AGBL1: variants seen among roughly 807,000 people sequenced by gnomAD.
The protein encoded by AGBL1 is cytosolic carboxypeptidase 4.
Under a neutral mutation model 118.9 loss-of-function variants are expected in AGBL1, and 130 were observed. That is an observed-to-expected ratio of 1.09 (90% CI 0.95 to 1.26). The LOEUF (loss-of-function observed/expected upper bound fraction) is 1.26. Among genes scored for constraint, AGBL1 ranks in the 50% most tolerant of loss-of-function variants. The pLI is 0.00. For synonymous variants in AGBL1, 555 were observed against 478.9 expected (o/e 1.16, Z -2.08); for missense variants, 1,584 against 1,298.1 (o/e 1.22, Z -3.38).
chr15:86,858,681 CAGGG>C (rs1339868532), intron 22 of AGBL1, among the ~76,000 whole-genome samples: 6 of 152,266 alleles, frequency 3.9e-5, no homozygotes, highest in Non-Finnish European at 7.4e-5. Context: ...GTTGGGGTAA[CAGGG>C]ACAGGCTCAA....
intron 1 of AGBL1, among the ~76,000 whole-genome samples, chr15:86,093,902 T>G (rs1202744807): frequency 1.3e-5 from 2 of 152,108 alleles, no homozygotes; most frequent in African/African-American, 4.8e-5. Flanking sequence ...TCTATGACAA[T>G]AGCAACAGCA....
chr15:86,953,411 T>C (rs2080898817), intron 23 of AGBL1, among the ~76,000 whole-genome samples: 1 of 151,716 alleles, frequency 6.6e-6, no homozygotes, highest in South Asian at 2.1e-4. Flanking sequence ...TTTTTTTTTT[T>C]TTTTTTGACA....
chr15:86,722,566 C>G (rs2086742429), intron 22 of AGBL1, among the ~76,000 whole-genome samples: 1 of 152,166 alleles, frequency 6.6e-6, no homozygotes, highest in Non-Finnish European at 1.5e-5. Context: ...AGAAGAAAAC[C>G]TAGGCAATGC....
chr15:86,137,797 C>T (rs552885989), intron 1 of AGBL1, among the ~76,000 whole-genome samples: 1 of 152,288 alleles, frequency 6.6e-6, no homozygotes, highest in Admixed American at 6.5e-5. Context: ...CTCAACCATC[C>T]TGTATTTGAA....
intron 21 of AGBL1, among the ~76,000 whole-genome samples, chr15:86,650,739 GC>G (rs2085355754): frequency 6.6e-6 from 1 of 152,170 alleles, no homozygotes; most frequent in African/African-American, 2.4e-5. Flanking sequence ...TCACATACTG[GC>G]AGGCATACAG....
intron 21 of AGBL1, among the ~76,000 whole-genome samples, chr15:86,670,442 C>G (rs1462341358): frequency 6.6e-6 from 1 of 151,468 alleles, no homozygotes; most frequent in Non-Finnish European, 1.5e-5. Context: ...TGTCTCTACT[C>G]AAAATACAAA....
chr15:86,299,023 T>C (rs1197520210), intron 17 of AGBL1, among the ~76,000 whole-genome samples: 2 of 152,336 alleles, frequency 1.3e-5, no homozygotes, highest in Non-Finnish European at 2.9e-5. Flanking sequence ...TTTAAAGTTA[T>C]TTTCCTGAAA....
chr15:86,993,435 G>A (rs1278834881), intron 24 of AGBL1, among the ~76,000 whole-genome samples: 4 of 152,178 alleles, frequency 2.6e-5, no homozygotes, highest in South Asian at 4.1e-4. Flanking sequence ...TTCCTAGGGT[G>A]TATTATGAAT....
At chr15:86,773,265 C>T (rs2078207291) in intron 22 of AGBL1, among the ~76,000 whole-genome samples, 1 of 151,968 alleles carries the variant, frequency 6.6e-6, no homozygotes, top group South Asian at 2.1e-4. Context: ...CATGGTAATG[C>T]AGTGATGGGG....
chr15:86,660,361 T>C (rs1255976495), intron 21 of AGBL1, among the ~76,000 whole-genome samples: 1 of 152,058 alleles, frequency 6.6e-6, no homozygotes, highest in East Asian at 1.9e-4. Flanking sequence ...TACAAATAAA[T>C]AAATTTACCC....
chr15:86,881,562 C>T (rs2079891926), intron 22 of AGBL1, among the ~76,000 whole-genome samples: 1 of 152,190 alleles, frequency 6.6e-6, no homozygotes, highest in South Asian at 2.1e-4. Context: ...TACTGTATTA[C>T]TCTGTCTTGT....
At chr15:86,792,912 T>C (rs763391930) in intron 22 of AGBL1, among the ~76,000 whole-genome samples, 8 of 152,198 alleles carry the variant, frequency 5.3e-5, no homozygotes, top group Non-Finnish European at 1.2e-4. Context: ...TATTTGTCTC[T>C]TCCATTGTCA....
intron 22 of AGBL1, among the ~76,000 whole-genome samples, chr15:86,759,630 T>G (rs1309169417): frequency 6.6e-6 from 1 of 152,090 alleles, no homozygotes; most frequent in Admixed American, 6.6e-5. Flanking sequence ...GAGGTAGCCA[T>G]TGTTAGAAAG....
At chr15:86,809,543 C>T (rs777985667) in intron 22 of AGBL1, among the ~76,000 whole-genome samples, 1 of 152,158 alleles carries the variant, frequency 6.6e-6, no homozygotes, top group Non-Finnish European at 1.5e-5. Context: ...TGTATCCTAA[C>T]TTGTGAGCAG....
intron 17 of AGBL1, among the ~76,000 whole-genome samples, chr15:86,388,594 G>C (rs773282291): frequency 2.2e-4 from 33 of 152,004 alleles, no homozygotes; most frequent in Non-Finnish European, 4.1e-4. Context: ...TCAAACCAAA[G>C]TCTTCCAATT....
chr15:86,675,117 G>C (rs1331575168), intron 22 of AGBL1, among the ~76,000 whole-genome samples: 1 of 152,174 alleles, frequency 6.6e-6, no homozygotes, highest in African/African-American at 2.4e-5. Context: ...GGGCATGTGA[G>C]AGGAGAGAGG....
intron 5 of AGBL1, among the ~76,000 whole-genome samples, chr15:86,210,990 G>T (rs1027205120): frequency 2.0e-5 from 3 of 152,322 alleles, no homozygotes; most frequent in Non-Finnish European, 2.9e-5. Flanking sequence ...GTGACCTACA[G>T]ATAGGGTTTT....
rs531583291 is a variant in AGBL1, at chr15:86,898,198, A to G, written c.3159-8889A>G. Among the ~76,000 whole-genome samples, 8 of 152,272 alleles carry G rather than the reference A, an allele frequency of 5.3e-5. No individual in the cohort carries two copies. The East Asian group carries it at 1.5e-3, about 29-fold the overall frequency. On this transcript the variant is annotated intron_variant, in intron 22 of 22. Transcript: ENST00000614907. ...AATACACATTTTTGGGAAATTTAGT[A>G]TTTTATTCTTCAACTCTGATCTGCT...
chr15:86,661,055 T>C (rs2085529623), intron 21 of AGBL1, among the ~76,000 whole-genome samples: 1 of 152,182 alleles, frequency 6.6e-6, no homozygotes, highest in South Asian at 2.1e-4. Flanking sequence ...CTTAGCTCTT[T>C]CACCTTTAAA....
Sources: allele counts gnomAD v4.1 joint callset (sites outside exome capture counted in the v4.1 genomes callset), GRCh38; gene constraint gnomAD v4.1.1; transcripts MANE v1.5; gene names NCBI Gene and HGNC (gene_info 2026-07-23, HGNC 2026-07-21).